Variants in TNRC6B observed in about 807,000 individuals in gnomAD.
The protein encoded by TNRC6B is trinucleotide repeat-containing gene 6B protein.
TNRC6B carries 52 observed loss-of-function variants against 203.6 expected under a neutral mutation model. The ratio of observed to expected loss-of-function variants is 0.26; its 90% confidence interval spans 0.20 to 0.32. The LOEUF (loss-of-function observed/expected upper bound fraction) is 0.32. TNRC6B is among the 10% of genes least tolerant of loss of function. TNRC6B has a pLI of 1.00. For missense variants in TNRC6B, 1,923 were observed against 2,286.2 expected (o/e 0.84, Z 3.24); for synonymous variants, 838 against 845.7 (o/e 0.99, Z 0.16).
chr22:40,116,131 T>C (rs1040043625), intron 1 of TNRC6B, among the ~76,000 whole-genome samples: 3 of 152,232 alleles, frequency 2.0e-5, no homozygotes, highest in Non-Finnish European at 2.9e-5. Context: ...AGCCCTGACT[T>C]ACAATCTCTA....
chr22:40,105,892 G>C (rs2068278688), intron 1 of TNRC6B, among the ~76,000 whole-genome samples: 1 of 152,166 alleles, frequency 6.6e-6, no homozygotes, highest in African/African-American at 2.4e-5. Flanking sequence ...ATTCACACAA[G>C]TAGTGTGTGA....
chr22:40,149,565 G>A (rs184593078), intron 3 of TNRC6B, among the ~76,000 whole-genome samples: 177 of 151,938 alleles, frequency 1.2e-3, no homozygotes, highest in African/African-American at 4.1e-3. Flanking sequence ...AGCTACTCAG[G>A]AGGCGGAGGC....
At chr22:40,203,550 A>T (rs1248229948) in intron 1 of TNRC6B, among the ~76,000 whole-genome samples, 1 of 152,124 alleles carries the variant, frequency 6.6e-6, no homozygotes, top group African/African-American at 2.4e-5. Flanking sequence ...AAACAGCCTA[A>T]AAAACTCTTT....
At chr22:40,101,644 A>G (rs1297134081) in intron 1 of TNRC6B, among the ~76,000 whole-genome samples, 4 of 152,194 alleles carry the variant, frequency 2.6e-5, no homozygotes, top group Non-Finnish European at 5.9e-5. Context: ...TGAAGCTGAA[A>G]GACATTTCAA....
At chr22:40,149,921 C>T (rs1221949019) in intron 3 of TNRC6B, among the ~76,000 whole-genome samples, 3 of 151,856 alleles carry the variant, frequency 2.0e-5, no homozygotes, top group Non-Finnish European at 2.9e-5. Flanking sequence ...GCCTTGGCCT[C>T]CCAAAGTGTT....
At chr22:40,130,517 C>G (rs1470133093) in intron 3 of TNRC6B, among the ~76,000 whole-genome samples, 3 of 151,714 alleles carry the variant, frequency 2.0e-5, no homozygotes, top group African/African-American at 7.3e-5. Context: ...CGCGGTGGCT[C>G]ACGCCTGTAA....
At chr22:40,100,734 A>G (rs981090287) in intron 1 of TNRC6B, among the ~76,000 whole-genome samples, 2 of 152,178 alleles carry the variant, frequency 1.3e-5, no homozygotes, top group African/African-American at 4.8e-5. Flanking sequence ...ATTTTGGTAT[A>G]CACCAAAGGT....
intron 2 of TNRC6B, among the ~76,000 whole-genome samples, chr22:40,120,451 A>G (rs2068433751): frequency 6.6e-6 from 1 of 152,086 alleles, no homozygotes; most frequent in Admixed American, 6.5e-5. Context: ...AGAGATTAGC[A>G]TGTTGTGTGC....
intron 1 of TNRC6B, among the ~76,000 whole-genome samples, chr22:40,196,382 A>ATC (rs2069337739): frequency 6.6e-6 from 1 of 152,024 alleles, no homozygotes; most frequent in African/African-American, 2.4e-5. Flanking sequence ...TCACATGTTA[A>ATC]ATCCTAATAG....
intron 17 of TNRC6B, among the ~76,000 whole-genome samples, chr22:40,311,743 A>G (rs951450832): frequency 2.0e-5 from 3 of 152,108 alleles, no homozygotes; most frequent in Admixed American, 1.3e-4. Flanking sequence ...GGGTTTCGCC[A>G]TGTTGGACAG....
At chr22:40,072,148 AG>A (rs1401948843) in intron 1 of TNRC6B, among the ~76,000 whole-genome samples, 1 of 152,246 alleles carries the variant, frequency 6.6e-6, no homozygotes, top group African/African-American at 2.4e-5. Flanking sequence ...ACATTTTTTA[AG>A]AATATTAATT....
At chr22:40,198,308 A>G (rs2069366921) in intron 1 of TNRC6B, among the ~76,000 whole-genome samples, 1 of 152,184 alleles carries the variant, frequency 6.6e-6, no homozygotes, top group African/African-American at 2.4e-5. Context: ...GAATTATTAC[A>G]AGTTCTAACT....
chr22:40,049,816 C>G (rs893612174), intron 1 of TNRC6B, among the ~76,000 whole-genome samples: 2 of 152,084 alleles, frequency 1.3e-5, no homozygotes, highest in Admixed American at 6.6e-5. Context: ...GTTGGCCAGG[C>G]TGATCTGGAA....
At chr22:40,049,990 C>A (rs1601783695) in intron 1 of TNRC6B, among the ~76,000 whole-genome samples, 2 of 152,080 alleles carry the variant, frequency 1.3e-5, no homozygotes, top group Non-Finnish European at 2.9e-5. Flanking sequence ...TCGTTAGTTT[C>A]TATTAATTAT....
intron 15 of TNRC6B, among the ~76,000 whole-genome samples, chr22:40,303,677 G>A (rs551699791): frequency 3.3e-5 from 5 of 151,842 alleles, no homozygotes; most frequent in Middle Eastern, 3.4e-3. Context: ...TTTGGGAGGC[G>A]GAGGAGGGCA....
intron 5 of TNRC6B, among the ~76,000 whole-genome samples, chr22:40,269,361 T>G (rs527470086): frequency 2.5e-4 from 38 of 152,082 alleles, no homozygotes; most frequent in African/African-American, 8.9e-4. Context: ...CTTGAACTCC[T>G]GACCTCAGGA....
chr22:40,218,300 G>T (rs1174453378), intron 1 of TNRC6B, among the ~76,000 whole-genome samples: 2 of 142,794 alleles, frequency 1.4e-5, no homozygotes, highest in East Asian at 2.1e-4. Flanking sequence ...GGCAAGAGAT[G>T]ATTTTTTTTT....
chr22:40,289,419 G>A (rs1258461996), intron 12 of TNRC6B, among the ~76,000 whole-genome samples: 3 of 152,302 alleles, frequency 2.0e-5, no homozygotes, highest in South Asian at 2.1e-4. Flanking sequence ...GTAAGGCAGC[G>A]ACAGTGGGAA....
intron 3 of TNRC6B, among the ~76,000 whole-genome samples, chr22:40,128,711 CAG>C: frequency 6.6e-6 from 1 of 151,376 alleles, no homozygotes; most frequent in Middle Eastern, 3.4e-3. Context: ...TTGGTAGAGA[CAG>C]AGTCTTGCTG....
Sources: gnomAD v4.1 joint callset for allele counts (sites outside exome capture counted in the v4.1 genomes callset) on GRCh38, gnomAD v4.1.1 for gene constraint, MANE v1.5 for transcripts, NCBI Gene and HGNC (gene_info 2026-07-23, HGNC 2026-07-21) for gene names.